ABCA3: variants seen among roughly 807,000 people sequenced by gnomAD.
ABCA3 encodes phospholipid-transporting ATPase ABCA3.
ABCA3 carries 88 observed loss-of-function variants against 172.8 expected under a neutral mutation model. The ratio of observed to expected loss-of-function variants is 0.51; its 90% CI spans 0.43 to 0.61. The LOEUF (loss-of-function observed/expected upper bound fraction) is 0.61, where lower values mean the gene tolerates loss of function less well. Among genes scored for constraint, ABCA3 ranks in the 20% least tolerant of loss-of-function variants. The probability of loss-of-function intolerance (pLI) is 0.00; values close to 1 mark genes in which losing one functional copy is unlikely to be tolerated. For missense variants in ABCA3, 2,164 were observed against 2,301.0 expected (o/e 0.94, Z 1.22); for synonymous variants, 1,066 against 983.8 (o/e 1.08, Z -1.56).
At chr16:2,326,902 C>T (rs1048349134) in intron 3 of ABCA3, among the ~76,000 whole-genome samples, 5 of 152,116 alleles carry the variant, frequency 3.3e-5, no homozygotes, top group Admixed American at 6.5e-5. Flanking sequence ...GCAGGAGAAT[C>T]GCTTGAACCC....
At position 2,301,059 on chromosome 16, in the gene ABCA3, T is replaced by C. The variant is rs903142734; in HGVS notation, c.1468-911A>G. Among the ~76,000 whole-genome samples, 5 of 150,738 alleles carry C rather than the reference T, an allele frequency of 3.3e-5. 1 individual carries two copies. The highest frequency in any genetic ancestry group is 7.4e-5 in the African/African-American group (3 of 40,472). On this transcript the variant is annotated intron_variant, in intron 12 of 32. Coordinates refer to ENST00000301732, the MANE Select transcript of ABCA3 (RefSeq NM_001089.3). The stretch of plus-strand genomic sequence containing the variant: ...TCCTGGCTAACACGGTGAAACCCCG[T>C]CTCTACTAAAAATACAAAAAAATTA...
intron 10 of ABCA3, among the ~76,000 whole-genome samples, chr16:2,315,243 C>CAG (rs918444796): frequency 6.1e-4 from 91 of 150,190 alleles, no homozygotes; most frequent in Non-Finnish European, 4.6e-4. Flanking sequence ...CACACACACA[C>CAG]AGCAAAGTCT....
At position 2,317,776 on chromosome 16, in the gene ABCA3, A is replaced by C. The variant is rs1596860195; in HGVS notation, c.874-12T>G. 3.1e-6 allele frequency: 5 copies of C among 1,613,324 alleles called. No individual in the cohort carries two copies. The highest frequency in any genetic ancestry group is 4.2e-6 in the Non-Finnish European group (5 of 1,179,376). On this transcript the variant is annotated splice_polypyrimidine_tract_variant and intron_variant, in intron 8 of 32. Transcript: ENST00000301732. ...ATGCGCATGTACTCCTGGGGAGAGA[A>C]GCCATCACGCTGCTGGGGGCCCGTC...
chr16:2,286,663 C>T lies in ABCA3; in HGVS notation c.3278+31G>A. The T allele has an allele frequency of 6.2e-7, 1 of 1,611,666 alleles. No homozygotes were observed. Among genetic ancestry groups the T allele is most frequent in the Non-Finnish European group, 8.5e-7 (1 of 1,179,708 alleles). On this transcript the variant is annotated intron_variant, in intron 22 of 32. Coordinates refer to ENST00000301732, the MANE Select transcript of ABCA3 (RefSeq NM_001089.3). This position sits in a 1 kb window ranked among gnomAD's most constrained non-coding sequence, Gnocchi z 5.2. ...GGCAGTCAGTCCTGGGGGCTCTGGC[C>T]AGGGCAGACAGGGACGGGCAGTGCA...
At position 2,276,658 on chromosome 16, in the gene ABCA3, A is replaced by G. The variant is rs765530781; in HGVS notation, c.*16T>C. 3 of 1,612,014 alleles carry G rather than the reference A, an allele frequency of 1.9e-6. No homozygotes were observed. In the Admixed American group the frequency reaches 5.0e-5, roughly 27 times the overall value. ...CCCGTCCTGTCCCTGCCTGATGGCG[A>G]GACAGCCGCCACCCCTCATCGCCCC... On this transcript the variant is annotated 3_prime_UTR_variant, in exon 33 of 33. Transcript: ENST00000301732.
chr16:2,295,338 C>G (rs543871843), intron 18 of ABCA3, among the ~76,000 whole-genome samples: 1 of 152,344 alleles, frequency 6.6e-6, no homozygotes, highest in East Asian at 1.9e-4. Context: ...GCTGAGCACC[C>G]TTTTGGTGAG....
At chr16:2,313,732 C>T (rs535478825) in intron 10 of ABCA3, among the ~76,000 whole-genome samples, 1 of 151,168 alleles carries the variant, frequency 6.6e-6, no homozygotes, top group Non-Finnish European at 1.5e-5. Context: ...TGGCAAAACA[C>T]GGTTTCTACA....
Position 2,319,624 on chromosome 16 carries a change from G to T in ABCA3, c.830C>A (p.Thr277Asn). The change falls in exon 8 of 33, where the codon ACC (threonine) becomes AAC (asparagine). Residue 277 changes from threonine (T) to asparagine (N), a missense_variant. Thr to Asn is a moderately conservative substitution (Grantham distance 65). Around this residue, in one of 3 missense-constraint regions of ABCA3, gnomAD observed 1,343 missense variants for 1,369.6 expected, o/e 0.98. Transcript: ENST00000301732. ...LLLSFTYTAL[T>N]IARAVVQEKE... Reference sequence around the variant, plus strand: ...CTCCTGCACGACAGCACGGGCAATGGTGAGCGCGGTGTAGGTGAAGCTGAG... The same window carrying T: ...CTCCTGCACGACAGCACGGGCAATGTTGAGCGCGGTGTAGGTGAAGCTGAG... 1 of 1,613,464 alleles carries T rather than the reference G, an allele frequency of 6.2e-7. No homozygotes were observed. Among genetic ancestry groups the T allele is most frequent in the Non-Finnish European group, 8.5e-7 (1 of 1,180,028 alleles).
Position 2,281,056 on chromosome 16 carries a change from C to T in ABCA3, c.4330G>A (p.Gly1444Ser), listed in dbSNP as rs2093654167. 1 of 1,613,918 alleles carries T rather than the reference C, an allele frequency of 6.2e-7. No individual in the cohort carries two copies. Among genetic ancestry groups the T allele is most frequent in the Non-Finnish European group, 8.5e-7 (1 of 1,180,012 alleles). The change falls in exon 28 of 33, where the codon GGT becomes AGT. Residue 1444 changes from glycine (G) to serine (S), a missense_variant. By Grantham distance (56) the Gly-to-Ser change is moderately conservative. Transcript: ENST00000301732. This position sits in a 1 kb window ranked among gnomAD's most constrained non-coding sequence, Gnocchi z 4.7. ...CCGACATCAGAGCTGATTCTGTGAC[C>T]CCCGACAAAGGCATCCCCAGAAGTG... ...SLTSGDAFVGGHRISSDVGKV... is the reference protein window; with the variant it reads ...SLTSGDAFVGSHRISSDVGKV...
At chr16:2,318,954 C>T (rs563498637) in intron 8 of ABCA3, among the ~76,000 whole-genome samples, 3 of 150,314 alleles carry the variant, frequency 2.0e-5, no homozygotes, top group Admixed American at 2.0e-4. Flanking sequence ...CATATGTGCA[C>T]ACTTTTTTTT....
At chr16:2,301,155 C>A (rs959774802) in intron 12 of ABCA3, among the ~76,000 whole-genome samples, 4 of 148,588 alleles carry the variant, frequency 2.7e-5, no homozygotes, top group East Asian at 2.0e-4. Flanking sequence ...GGCGTGAACC[C>A]GGGAGGCGGA....
At chr16:2,310,619 C>T (rs536679981) in intron 10 of ABCA3, among the ~76,000 whole-genome samples, 303 of 151,264 alleles carry the variant, frequency 2.0e-3, no homozygotes, top group African/African-American at 7.0e-3. Flanking sequence ...TGGGCTCAAG[C>T]GATTCTCCCA....
Position 2,285,116 on chromosome 16 carries a change from G to C in ABCA3, c.3484-118C>G. 2.5e-6 allele frequency: 3 copies of C among 1,182,094 alleles called. No individual in the cohort carries two copies. 73.2% of individuals were successfully genotyped at this position (1,182,094 alleles called of 1,614,324 possible). On this transcript the variant is annotated intron_variant, in intron 23 of 32. Coordinates refer to ENST00000301732, the MANE Select transcript of ABCA3 (RefSeq NM_001089.3). The surrounding 1 kb of genome is among the most constrained non-coding windows in gnomAD (Gnocchi z 4.7). Reference sequence around the variant, plus strand: ...GACCCCTCCCGGTCAGCTGGCCCATGTCCATCAGCCCCACAGGCCACGTCT... The same window carrying C: ...GACCCCTCCCGGTCAGCTGGCCCATCTCCATCAGCCCCACAGGCCACGTCT...
At chr16:2,332,780 C>A (rs763924648) in intron 1 of ABCA3, 11 of 780,704 alleles carry the variant, frequency 1.4e-5, no homozygotes, top group Non-Finnish European at 2.3e-5. Context: ...TTGTGTGCAC[C>A]ATAGGCTTGA....
intron 11 of ABCA3, among the ~76,000 whole-genome samples, chr16:2,306,163 G>T (rs893062151): frequency 3.3e-5 from 5 of 151,950 alleles, no homozygotes; most frequent in African/African-American, 1.2e-4. Context: ...ACCAGCCTAG[G>T]CAACACAGAC....
Position 2,287,259 on chromosome 16 carries a change from G to A in ABCA3, c.3005-292C>T, listed in dbSNP as rs1025836900. Among the ~76,000 whole-genome samples, 1 of 152,052 alleles carries A rather than the reference G, an allele frequency of 6.6e-6. No individual in the cohort carries two copies. The highest frequency in any genetic ancestry group is 2.4e-5 in the African/African-American group (1 of 41,430). Reference sequence around the variant, plus strand: ...CGGTCCCTGTTCTGAGCCTGGGGCAGTATCCAACTATGACTACCAAGACTC... The same window carrying A: ...CGGTCCCTGTTCTGAGCCTGGGGCAATATCCAACTATGACTACCAAGACTC... On this transcript the variant is annotated intron_variant, in intron 21 of 32. Transcript: ENST00000301732. This position sits in a 1 kb window ranked among gnomAD's most constrained non-coding sequence, Gnocchi z 4.1.
intron 2 of ABCA3, 146 bp from the exon 3 acceptor site, chr16:2,328,903 T>G (rs924812583): frequency 2.0e-5 from 3 of 152,432 alleles, no homozygotes; most frequent in Non-Finnish European, 4.4e-5. Context: ...GAAGGGTTTT[T>G]TTTTTTTTTT....
At chr16:2,288,371 G>A in intron 20 of ABCA3, 42 bp from the exon 21 acceptor site, 1 of 1,528,256 alleles carries the variant, frequency 6.5e-7, no homozygotes, top group South Asian at 1.2e-5. Context: ...ACCGCTTGGG[G>A]CCCAGCGCCT....
At position 2,277,897 on chromosome 16, in the gene ABCA3, C is replaced by G; in HGVS notation, c.4891G>C (p.Val1631Leu). The G allele has an allele frequency of 1.2e-6, 2 of 1,609,752 alleles. No homozygotes were observed. Among genetic ancestry groups the G allele is most frequent in the Non-Finnish European group, 1.7e-6 (2 of 1,179,986 alleles). The change falls in exon 31 of 33, where the codon GTG (valine) becomes CTG (leucine). Residue 1631 changes from valine (V) to leucine (L), a missense_variant. This residue lies in a region of ABCA3 where 795 missense variants were observed against 881.9 expected (regional missense o/e 0.90). Transcript: ENST00000301732. This position sits in a 1 kb window ranked among gnomAD's most constrained non-coding sequence, Gnocchi z 5.3. ...QEALEEFKAF[V>L]DLTFPGSVLE... is the part of the protein sequence containing the mutation. ...CACACACCTGGAAAGGTCAGGTCCA[C>G]GAAGGCCTTGAACTCCTCCAGCGCC...
Sources: allele counts gnomAD v4.1 joint callset (sites outside exome capture counted in the v4.1 genomes callset), GRCh38; gene constraint gnomAD v4.1.1; regional missense constraint gnomAD v4.1.1; non-coding constraint Gnocchi (gnomAD v3.1); transcripts MANE v1.5; gene names NCBI Gene and HGNC (gene_info 2026-07-23, HGNC 2026-07-21).